The following PTPRN2 variants were observed in gnomAD, a reference collection of about 807,000 sequenced individuals.
PTPRN2 encodes receptor-type tyrosine-protein phosphatase N2.
In PTPRN2, 74 loss-of-function variants were observed where a neutral mutation model predicts 118.8. That is an observed-to-expected ratio of 0.62 (90% confidence interval 0.52 to 0.76). PTPRN2 has a LOEUF of 0.76. PTPRN2 is among the 30% of genes least tolerant of loss of function. PTPRN2 has a pLI of 0.00. For synonymous variants in PTPRN2, 641 were observed against 608.0 expected, an observed-to-expected ratio of 1.05 and a Z score of -0.80; for missense variants, 1,481 against 1,394.4, an observed-to-expected ratio of 1.06 and a Z score of -0.99.
At chr7:157,834,806 G>A (rs1024931121) in intron 12 of PTPRN2, among the ~76,000 whole-genome samples, 4 of 152,216 alleles carry the variant, frequency 2.6e-5, no homozygotes, top group Admixed American at 1.3e-4. Context: ...ATGAGGCTAC[G>A]GGGCTTGTTG....
chr7:158,472,745 T>C (rs1048355011), intron 2 of PTPRN2, among the ~76,000 whole-genome samples: 4 of 152,148 alleles, frequency 2.6e-5, no homozygotes, highest in African/African-American at 9.7e-5. Flanking sequence ...GTCCCAAGAA[T>C]GATTAGACGG....
Position 157,710,635 on chromosome 7 carries a change from G to A in PTPRN2, c.1789-27698C>T, listed in dbSNP as rs549119107. 3.1e-4 allele frequency among the ~76,000 whole-genome samples: 47 copies of A among 152,256 alleles called. No homozygotes were observed. In the South Asian group the frequency reaches 9.5e-3, roughly 31 times the overall value. On this transcript the variant is annotated intron_variant, in intron 12 of 22. Coordinates refer to ENST00000389418, the MANE Select transcript of PTPRN2 (RefSeq NM_002847.5). ...CACAGCTCCCAGATGTCCCCTGGGG[G>A]GACATCTCTTCCGGAGGATCTTTAG...
intron 14 of PTPRN2, among the ~76,000 whole-genome samples, chr7:157,623,496 T>C (rs1470656874): frequency 1.3e-5 from 2 of 152,232 alleles, no homozygotes; most frequent in African/African-American, 4.8e-5. Context: ...TGATGAACCC[T>C]AGCAGGTTTA....
chr7:158,108,392 G>A (rs1175123721), intron 10 of PTPRN2, among the ~76,000 whole-genome samples: 1 of 152,068 alleles, frequency 6.6e-6, no homozygotes, highest in African/African-American at 2.4e-5. Context: ...TGTTCACCCT[G>A]TAGGGTCCTC....
intron 11 of PTPRN2, among the ~76,000 whole-genome samples, chr7:158,033,911 T>C (rs577646495): frequency 1.4e-5 from 2 of 148,012 alleles, no homozygotes; most frequent in African/African-American, 5.0e-5. Context: ...AAACTCTGCA[T>C]GCTGAGGCCC....
At chr7:157,824,051 G>A (rs1585560354) in intron 12 of PTPRN2, among the ~76,000 whole-genome samples, 1 of 152,182 alleles carries the variant, frequency 6.6e-6, no homozygotes, top group South Asian at 2.1e-4. Context: ...GAGAACTGAT[G>A]CATCTCAAGT....
chr7:157,648,388 G>A (rs542105962), intron 14 of PTPRN2, among the ~76,000 whole-genome samples: 1 of 110,720 alleles, frequency 9.0e-6, no homozygotes, highest in Admixed American at 9.5e-5. Flanking sequence ...CACTGAACTC[G>A]GTGGGTCGGA....
At chr7:158,193,463 C>T (rs1487457188) in intron 4 of PTPRN2, among the ~76,000 whole-genome samples, 1 of 152,138 alleles carries the variant, frequency 6.6e-6, no homozygotes, top group East Asian at 1.9e-4. Flanking sequence ...GCCCAACAGG[C>T]CCCGGAGAGA....
intron 3 of PTPRN2, among the ~76,000 whole-genome samples, chr7:158,251,448 G>A (rs1796651880): frequency 6.6e-6 from 1 of 151,878 alleles, no homozygotes; most frequent in Non-Finnish European, 1.5e-5. Context: ...TGGTGCATGT[G>A]GGGTGTGTGC....
At position 158,090,026 on chromosome 7, in the gene PTPRN2, T is replaced by G. The variant is rs368344089; in HGVS notation, c.1644-8649A>C. ...AAAGAGGGAGTCTTCACACAAACCCTTCCTCCCCTGACGAAAGAGGGAGTC... is the reference window on the plus strand; with the variant it reads ...AAAGAGGGAGTCTTCACACAAACCCGTCCTCCCCTGACGAAAGAGGGAGTC... On this transcript the variant is annotated intron_variant, in intron 10 of 22. Coordinates refer to ENST00000389418, the MANE Select transcript of PTPRN2 (RefSeq NM_002847.5). Among the ~76,000 whole-genome samples the G allele has an allele frequency of 1.6e-4, 6 of 36,390 alleles. 2 individuals carry two copies. Among genetic ancestry groups the G allele is most frequent in the Non-Finnish European group, 2.3e-4 (3 of 12,942 alleles). The allele number at this position is 36,390 out of a possible 152,430, so 23.9% of individuals were successfully genotyped here.
chr7:157,891,871 G>A (rs1025677721), intron 12 of PTPRN2, among the ~76,000 whole-genome samples: 1 of 152,198 alleles, frequency 6.6e-6, no homozygotes, highest in Non-Finnish European at 1.5e-5. Flanking sequence ...ACTGGACAGA[G>A]AGAAGGCTCC....
rs531381323 is a variant in PTPRN2, at chr7:158,107,464, C to G, written c.1643+3365G>C. Among the ~76,000 whole-genome samples, 7 of 152,000 alleles carry G rather than the reference C, an allele frequency of 4.6e-5. No homozygotes were observed. In the South Asian group the frequency reaches 1.5e-3, roughly 32 times the overall value. The stretch of plus-strand genomic sequence containing the variant: ...ACAGCTGCAGCCCCTGCCCACCCGC[C>G]ACCTCCAGAACCCCAGATGCCCAAA... On this transcript the variant is annotated intron_variant, in intron 10 of 22. Transcript: ENST00000389418.
At chr7:157,628,376 C>T (rs1220000895) in intron 14 of PTPRN2, among the ~76,000 whole-genome samples, 3 of 152,224 alleles carry the variant, frequency 2.0e-5, no homozygotes, top group Non-Finnish European at 4.4e-5. Flanking sequence ...TGTCTGTTAA[C>T]GATTGCAAGA....
At chr7:158,269,844 T>G (rs1798177139) in intron 3 of PTPRN2, among the ~76,000 whole-genome samples, 4 of 123,576 alleles carry the variant, frequency 3.2e-5, no homozygotes, top group South Asian at 2.9e-4. Flanking sequence ...GGATAGGGAG[T>G]CGGAGACACA....
Position 157,702,287 on chromosome 7 carries a change from T to A in PTPRN2, c.1789-19350A>T, listed in dbSNP as rs900968311. On this transcript the variant is annotated intron_variant, in intron 12 of 22. Coordinates refer to ENST00000389418, the MANE Select transcript of PTPRN2 (RefSeq NM_002847.5). ...TGGGCTGTGCATTTATAAGAAAGCC[T>A]GGTCGGTCCTGGTGTAACTGTTGCG... 2.7e-5 allele frequency among the ~76,000 whole-genome samples: 4 copies of A among 150,424 alleles called. No homozygotes were observed. In the South Asian group the frequency reaches 8.5e-4, roughly 32 times the overall value.
chr7:157,639,842 A>T lies in PTPRN2; in HGVS notation c.2196+16515T>A, dbSNP rs1413804427. On this transcript the variant is annotated intron_variant, in intron 14 of 22. Transcript: ENST00000389418. Reference sequence around the variant, plus strand: ...AGGAATCTCGTCTGTCACCATATGGACTCAAAATGGGAAGACGCTTGAAAC... The same window carrying T: ...AGGAATCTCGTCTGTCACCATATGGTCTCAAAATGGGAAGACGCTTGAAAC... Among the ~76,000 whole-genome samples the T allele has an allele frequency of 3.3e-5, 5 of 152,192 alleles. No individual in the cohort carries two copies. The East Asian group carries it at 9.6e-4, about 29-fold the overall frequency.
intron 12 of PTPRN2, among the ~76,000 whole-genome samples, chr7:157,745,947 G>T (rs1800900115): frequency 6.6e-6 from 1 of 151,800 alleles, no homozygotes; most frequent in Non-Finnish European, 1.5e-5. Context: ...GGCCTTGAGT[G>T]TGGAGATCAC....
chr7:158,456,167 A>G (rs553610504), intron 2 of PTPRN2, among the ~76,000 whole-genome samples: 1,517 of 144,480 alleles, frequency 0.01, 1 homozygote, highest in African/African-American at 0.036. Flanking sequence ...CATCAGCCAC[A>G]GCCCCCCATC....
At position 157,929,855 on chromosome 7, in the gene PTPRN2, G is replaced by T. The variant is rs1416016940; in HGVS notation, c.1724-31118C>A. On this transcript the variant is annotated intron_variant, in intron 11 of 22. Transcript: ENST00000389418. This position sits in a 1 kb window ranked among gnomAD's most constrained non-coding sequence, Gnocchi z 4.4. The stretch of plus-strand genomic sequence containing the variant: ...CCGGGACACCAGGCACTGGAGGTCG[G>T]CACGCTTATTGTAATGAATCTGAAG... Among the ~76,000 whole-genome samples the T allele has an allele frequency of 6.6e-6, 1 of 151,882 alleles. No homozygotes were observed. The highest frequency in any genetic ancestry group is 1.9e-4 in the East Asian group (1 of 5,170).
Sources: gnomAD v4.1 joint callset for allele counts (sites outside exome capture counted in the v4.1 genomes callset) on GRCh38, gnomAD v4.1.1 for gene constraint, Gnocchi (gnomAD v3.1) non-coding constraint, MANE v1.5 for transcripts, NCBI Gene and HGNC (gene_info 2026-07-23, HGNC 2026-07-21) for gene names.